Variants in IL7 observed in about 807,000 individuals in gnomAD.
IL7 encodes the protein interleukin-7.
Under a neutral mutation model 21.6 loss-of-function variants are expected in IL7, and 3 were observed. The observed-to-expected ratio is 0.14, with a 90% CI of 0.06 to 0.36. IL7 has a LOEUF of 0.36. IL7 is among the 10% of genes least tolerant of loss of function. The probability of loss-of-function intolerance (pLI) is 1.00; values close to 1 mark genes in which losing one functional copy is unlikely to be tolerated. For missense variants in IL7, 175 were observed against 200.2 expected (o/e 0.87, Z 0.76); for synonymous variants, 62 against 68.1 (o/e 0.91, Z 0.44).
rs929096196 is a variant in IL7, at chr8:78,732,811, A to G, written c.*902T>C. On this transcript the variant is annotated 3_prime_UTR_variant, in exon 6 of 6. Transcript: ENST00000263851. The stretch of plus-strand genomic sequence containing the variant: ...ATTTATTTTATCAAAGGAGAAATGT[A>G]TTCCAAAGTAAGCAATTTGTAATGC... The G allele has an allele frequency of 1.3e-5, 2 of 152,180 alleles. No individual in the cohort carries two copies. The highest frequency in any genetic ancestry group is 4.8e-5 in the African/African-American group (2 of 41,462). 9.4% of individuals were successfully genotyped at this position (152,180 alleles called of 1,614,324 possible).
chr8:78,717,095 ATGGC>A (rs1811129852), downstream of IL7, among the ~76,000 whole-genome samples: 1 of 152,286 alleles, frequency 6.6e-6, no homozygotes, highest in South Asian at 2.1e-4. Flanking sequence ...CACAGAAAGC[ATGGC>A]TGCATTTGGT....
chr8:78,733,684 C>T lies in IL7; in HGVS notation c.*29G>A, dbSNP rs1563412286. On this transcript the variant is annotated 3_prime_UTR_variant, in exon 6 of 6. Coordinates refer to ENST00000263851, the MANE Select transcript of IL7 (RefSeq NM_000880.4). Reference sequence around the variant, plus strand: ...ATTCTTGGAGGATGCAGCTAAAGTTCGTGTTTCTATATTGCCACTCCATAT... The same window carrying T: ...ATTCTTGGAGGATGCAGCTAAAGTTTGTGTTTCTATATTGCCACTCCATAT... 14 of 1,587,820 alleles carry T rather than the reference C, an allele frequency of 8.8e-6. No homozygotes were observed. Among genetic ancestry groups the T allele is most frequent in the South Asian group, 4.7e-5 (4 of 85,964 alleles).
chr8:78,792,363 G>T (rs539749504), intron 2 of IL7, among the ~76,000 whole-genome samples: 10 of 152,196 alleles, frequency 6.6e-5, no homozygotes, highest in South Asian at 6.2e-4. Flanking sequence ...AATCTTTGTT[G>T]TCTTGGATTA....
intron 6 of IL7, chr8:78,718,234 T>G (rs1811165513): frequency 6.6e-6 from 1 of 152,070 alleles, no homozygotes; most frequent in Non-Finnish European, 1.5e-5. Context: ...TCCAATTGTT[T>G]TTCCAGATTT....
At chr8:78,678,733 AATATT>A (rs1414551737) in intron 4 of IL7, 2 of 1,222,344 alleles carry the variant, frequency 1.6e-6, no homozygotes, top group Non-Finnish European at 2.3e-6. Context: ...TATGTTGAAA[AATATT>A]ATATTATCTG....
At chr8:78,713,413 G>T (rs774814839), downstream of IL7, among the ~76,000 whole-genome samples, 2 of 151,708 alleles carry the variant, frequency 1.3e-5, no homozygotes, top group Non-Finnish European at 2.9e-5. Flanking sequence ...ATATTCATGG[G>T]TGTGTTTGTA....
intron 3 of IL7, among the ~76,000 whole-genome samples, chr8:78,705,506 G>T (rs1307427697): frequency 1.3e-5 from 2 of 152,190 alleles, no homozygotes; most frequent in African/African-American, 4.8e-5. Context: ...AACACCTGTG[G>T]GTGTGGCTGA....
intron 3 of IL7, chr8:78,697,271 A>G (rs1462900446): frequency 1.5e-6 from 1 of 650,154 alleles, no homozygotes; most frequent in Non-Finnish European, 2.5e-6. Flanking sequence ...AACCATCATC[A>G]CCATTCATTT....
At chr8:78,705,120 C>CA (rs1810731027) in intron 3 of IL7, among the ~76,000 whole-genome samples, 1 of 152,222 alleles carries the variant, frequency 6.6e-6, no homozygotes, top group Non-Finnish European at 1.5e-5. Context: ...GTCTCAGCCT[C>CA]AGCCTGATTC....
At chr8:78,686,703 A>G (rs1809987416) in intron 3 of IL7, 4 of 1,264,200 alleles carry the variant, frequency 3.2e-6, no homozygotes, top group Non-Finnish European at 3.1e-6. Flanking sequence ...ACTTACAATC[A>G]TGGAGTGTTA....
chr8:78,742,763 G>C (rs896039159), intron 2 of IL7, among the ~76,000 whole-genome samples: 1 of 152,078 alleles, frequency 6.6e-6, no homozygotes, highest in Non-Finnish European at 1.5e-5. Context: ...AGGGGTACAA[G>C]TGCAGGTTTG....
At chr8:78,705,230 G>A (rs1810733591) in intron 3 of IL7, among the ~76,000 whole-genome samples, 1 of 152,190 alleles carries the variant, frequency 6.6e-6, no homozygotes, top group African/African-American at 2.4e-5. Context: ...TACTTGTGCT[G>A]ATTCTTTCTC....
At chr8:78,683,383 C>T (rs1350272730) in intron 4 of IL7, among the ~76,000 whole-genome samples, 1 of 152,226 alleles carries the variant, frequency 6.6e-6, no homozygotes, top group East Asian at 1.9e-4. Context: ...TCCCAAACCT[C>T]AACTCTTGAT....
At chr8:78,709,238 C>G (rs529946646) in intron 3 of IL7, among the ~76,000 whole-genome samples, 1 of 152,246 alleles carries the variant, frequency 6.6e-6, no homozygotes, top group Admixed American at 6.5e-5. Flanking sequence ...ATGTATGGAG[C>G]ATTTTTTAAT....
downstream of IL7, among the ~76,000 whole-genome samples, chr8:78,716,146 G>T (rs577092956): frequency 6.7e-6 from 1 of 149,358 alleles, no homozygotes; most frequent in Non-Finnish European, 1.5e-5. Context: ...TTTTTAAGAC[G>T]GAGTCTCGCT....
intron 2 of IL7, among the ~76,000 whole-genome samples, chr8:78,787,406 A>G (rs1475788001): frequency 1.3e-5 from 2 of 152,108 alleles, no homozygotes; most frequent in East Asian, 1.9e-4. Flanking sequence ...GAATATGAGG[A>G]AAAAAACTCT....
intron 2 of IL7, among the ~76,000 whole-genome samples, chr8:78,754,064 A>G (rs1812266234): frequency 6.6e-6 from 1 of 152,214 alleles, no homozygotes; most frequent in East Asian, 1.9e-4. Context: ...CAGGCAAGAG[A>G]AAGAAATAAA....
At chr8:78,727,280 C>A (rs1177747354) in intron 3 of IL7, among the ~76,000 whole-genome samples, 1 of 151,998 alleles carries the variant, frequency 6.6e-6, no homozygotes, top group Non-Finnish European at 1.5e-5. Flanking sequence ...ACACCTAAAT[C>A]ACCACATCTT....
intron 2 of IL7, among the ~76,000 whole-genome samples, chr8:78,771,647 C>T (rs1214341940): frequency 1.3e-5 from 2 of 151,976 alleles, no homozygotes; most frequent in East Asian, 3.9e-4. Context: ...TTATACAGGC[C>T]ATTAAATAAC....
Sources: gnomAD v4.1 joint callset for allele counts (sites outside exome capture counted in the v4.1 genomes callset) on GRCh38, gnomAD v4.1.1 for gene constraint, MANE v1.5 for transcripts, NCBI Gene and HGNC (gene_info 2026-07-23, HGNC 2026-07-21) for gene names.